The following APC variants were observed in gnomAD, a reference collection of about 807,000 sequenced individuals.
APC encodes APC regulator of Wnt signaling pathway.
A neutral mutation model predicts 247.0 loss-of-function variants in APC; 72 were observed. That is an observed-to-expected ratio of 0.29 (90% CI 0.24 to 0.35). The LOEUF is 0.35. Among genes scored for constraint, APC ranks in the 10% least tolerant of loss-of-function variants. The pLI, the probability that APC is intolerant of heterozygous loss-of-function variation, is 1.00. For synonymous variants in APC, 1,254 were observed against 1,162.5 expected, an observed-to-expected ratio of 1.08 and a Z score of -1.60; for missense variants, 3,400 against 3,360.7, an observed-to-expected ratio of 1.01 and a Z score of -0.29.
In APC at chr5:112,755,014, T is replaced by G. The variant is rs1754803343; in HGVS notation, c.124T>G (p.Ser42Ala). 2 of 1,613,666 alleles carry G rather than the reference T, an allele frequency of 1.2e-6. No homozygotes were observed. The highest frequency in any genetic ancestry group is 1.7e-6 in the Non-Finnish European group (2 of 1,179,678). The part of the protein sequence containing the change: ...NHLTKLETEA[S>A]NMKEVLKQLQ... ...TCTTACAAAACTGGAAACTGAGGCA[T>G]CTAATATGAAGGTATCAAGACTGTG... The change falls in exon 2 of 16, where the codon TCT becomes GCT. Residue 42 changes from serine (S) to alanine (A), a missense_variant. Ser to Ala is a moderately conservative substitution (Grantham distance 99). Transcript: ENST00000257430.
chr5:112,708,204 C>G (rs969897283), intron 1 of APC, among the ~76,000 whole-genome samples: 3 of 152,332 alleles, frequency 2.0e-5, no homozygotes, highest in East Asian at 3.9e-4. Flanking sequence ...ATTTTAGTCG[C>G]TTCCCCATCT....
In APC at chr5:112,840,444, T is replaced by C. The variant is rs1765785277; in HGVS notation, c.4850T>C (p.Leu1617Pro). ...RKPSQLPVYK[L>P]LPSQNRLQPQ... ...CCAAGTCAGCTGCCTGTGTACAAAC[T>C]TCTACCATCACAAAACAGGTTGCAA... The change falls in exon 16 of 16, where the codon CTT becomes CCT. Residue 1617 changes from leucine to proline, a missense_variant. By Grantham distance (98) the Leu-to-Pro change is moderately conservative (BLOSUM62 -3). Transcript: ENST00000257430. The surrounding 1 kb of genome is among the most constrained non-coding windows in gnomAD (Gnocchi z 4.1). The C allele has an allele frequency of 6.2e-7, 1 of 1,614,058 alleles. No homozygotes were observed. Among genetic ancestry groups the C allele is most frequent in the Admixed American group, 1.7e-5 (1 of 60,012 alleles).
At chr5:112,814,524 C>G (rs1024013325) in intron 8 of APC, among the ~76,000 whole-genome samples, 2 of 152,164 alleles carry the variant, frequency 1.3e-5, no homozygotes, top group African/African-American at 2.4e-5. Context: ...TTAATTTGAC[C>G]TTCAGTTCAA....
chr5:112,829,165 G>T (rs351772), intron 14 of APC, 193 bp downstream of exon 14: 1 of 495,842 alleles, frequency 2.0e-6, no homozygotes, highest in South Asian at 2.1e-5. Flanking sequence ...TTGAGATGGG[G>T]TCTCTTTCTC....
At position 112,759,078 on chromosome 5, in the gene APC, G is replaced by A. The variant is rs184423042; in HGVS notation, c.135+4053G>A. On this transcript the variant is annotated intron_variant, in intron 2 of 15. Transcript: ENST00000257430. Reference sequence around the variant, plus strand: ...GACAAAATTTAATATTTATAAATTGGTCTATAAACTGTAAAACAATATACA... The same window carrying A: ...GACAAAATTTAATATTTATAAATTGATCTATAAACTGTAAAACAATATACA... 1.5e-3 allele frequency among the ~76,000 whole-genome samples: 231 copies of A among 152,140 alleles called. 1 individual carries two copies. The highest frequency in any genetic ancestry group is 5.3e-3 in the African/African-American group (219 of 41,484).
At chr5:112,765,566 C>T (rs1265154170) in intron 2 of APC, among the ~76,000 whole-genome samples, 2 of 152,134 alleles carry the variant, frequency 1.3e-5, no homozygotes, top group Non-Finnish European at 2.9e-5. Context: ...AATATTTTGT[C>T]TTGCATTCAG....
In APC at chr5:112,707,543, GC is replaced by G. The variant is rs1750573757; in HGVS notation, c.-174del. The G allele has an allele frequency of 1.9e-6, 1 of 533,226 alleles. No individual in the cohort carries two copies. The highest frequency in any genetic ancestry group is 4.0e-5 in the East Asian group (1 of 24,990). 33.0% of individuals were successfully genotyped at this position (533,226 alleles called of 1,614,324 possible). ...CCCACAAGATGGCGGAGGGCAAGTA[GC>G]AAGGGGGCGGGGTGTGGCCGCCGGA... On this transcript the variant is annotated 5_prime_UTR_variant, in exon 1 of 14. Coordinates refer to the APC transcript ENST00000507379.
intron 4 of APC, among the ~76,000 whole-genome samples, chr5:112,770,710 A>C (rs899149075): frequency 2.0e-5 from 3 of 152,152 alleles, no homozygotes; most frequent in Admixed American, 1.3e-4. Flanking sequence ...CTATAACTCT[A>C]AATAATATGT....
chr5:112,840,627 G>A lies in APC; in HGVS notation c.5033G>A (p.Gly1678Glu), dbSNP rs1561597208. ...GCTGCTGGAGAAGGAGTTAGAGGAG[G>A]GGCACAGTCAGGTGAATTTGAAAAA... Reference protein sequence around the residue: ...ELAAGEGVRGGAQSGEFEKRD... With the variant: ...ELAAGEGVRGEAQSGEFEKRD... Residue 1678 changes from glycine (G) to glutamate (E), a missense_variant, in exon 16 of 16, where the codon GGG becomes GAG. Transcript: ENST00000257430. This position sits in a 1 kb window ranked among gnomAD's most constrained non-coding sequence, Gnocchi z 4.1. 6.2e-7 allele frequency: 1 copy of A among 1,613,994 alleles called. No homozygotes were observed. The highest frequency in any genetic ancestry group is 8.5e-7 in the Non-Finnish European group (1 of 1,179,910).
upstream of APC, among the ~76,000 whole-genome samples, chr5:112,736,024 C>CT (rs912087296): frequency 1.3e-5 from 2 of 152,048 alleles, no homozygotes; most frequent in Non-Finnish European, 2.9e-5. Flanking sequence ...TTTTGAGGAC[C>CT]TTTTAAAAGG....
At position 112,845,834 on chromosome 5, in the gene APC, A is replaced by C. The variant is rs751125982; in HGVS notation, c.*1708A>C. ...CATACATATTTGTTGAATAAATGAA[A>C]ATTTATTTTTAGTGATAAGATTCAT... On this transcript the variant is annotated 3_prime_UTR_variant, in exon 16 of 16. Transcript: ENST00000257430. The C allele has an allele frequency of 5.2e-5, 12 of 232,068 alleles. No homozygotes were observed. Among genetic ancestry groups the C allele is most frequent in the Non-Finnish European group, 1.0e-4 (12 of 117,446 alleles). The allele number at this position is 232,068 out of a possible 1,614,324, so 14.4% of individuals were successfully genotyped here. A position where few individuals can be genotyped will look rare whatever the true frequency, so the allele number is the denominator to read the frequency against.
At chr5:112,814,262 A>C (rs557551647) in intron 8 of APC, among the ~76,000 whole-genome samples, 4 of 152,286 alleles carry the variant, frequency 2.6e-5, no homozygotes, top group African/African-American at 7.2e-5. Context: ...GATAGGTCCC[A>C]GTTATTTATC....
intron 6 of APC, among the ~76,000 whole-genome samples, chr5:112,792,216 A>G (rs1759693887): frequency 6.6e-6 from 1 of 152,144 alleles, no homozygotes; most frequent in Non-Finnish European, 1.5e-5. Context: ...ACTGCACTCC[A>G]GCCAGGGCAA....
At chr5:112,738,378 G>C (rs1752575233) in intron 1 of APC, 1 of 985,606 alleles carries the variant, frequency 1.0e-6, no homozygotes, top group African/African-American at 1.7e-5. Context: ...GGCCAAAAGA[G>C]AGAGGAGACA....
chr5:112,778,087 C>CACTA (rs1215962163), intron 5 of APC: 1 of 207,944 alleles, frequency 4.8e-6, no homozygotes, highest in Non-Finnish European at 1.0e-5. Flanking sequence ...CAGTCTAGTA[C>CACTA]ATTTTCCATC....
At chr5:112,714,281 G>A (rs531963272) in intron 1 of APC, among the ~76,000 whole-genome samples, 51 of 152,312 alleles carry the variant, frequency 3.3e-4, no homozygotes, top group African/African-American at 1.2e-3. Context: ...TGTGATGTTT[G>A]GAATGGTCCC....
chr5:112,806,847 C>T (rs578109212), intron 8 of APC, among the ~76,000 whole-genome samples: 2 of 152,202 alleles, frequency 1.3e-5, no homozygotes, highest in South Asian at 2.1e-4. Flanking sequence ...CAAAGTGCTA[C>T]GATTGGCTGG....
At chr5:112,726,589 C>CA (rs1240289207) in intron 1 of APC, among the ~76,000 whole-genome samples, 1 of 151,908 alleles carries the variant, frequency 6.6e-6, no homozygotes, top group Non-Finnish European at 1.5e-5. Context: ...CTTTTGGGTG[C>CA]AAAAAAAGGA....
chr5:112,792,606 A>T (rs1339487635), intron 7 of APC, 77 bp downstream of exon 7: 2 of 1,015,730 alleles, frequency 2.0e-6, no homozygotes, highest in Non-Finnish European at 3.1e-6. Flanking sequence ...GTATAATTTA[A>T]TGTGACACCA....
Sources: gnomAD v4.1 joint callset for allele counts (sites outside exome capture counted in the v4.1 genomes callset) on GRCh38, gnomAD v4.1.1 for gene constraint, Gnocchi (gnomAD v3.1) non-coding constraint, MANE v1.5 for transcripts, NCBI Gene and HGNC (gene_info 2026-07-23, HGNC 2026-07-21) for gene names.